Variants in NUDCD1 observed in about 807,000 individuals in gnomAD.
NUDCD1 encodes the protein NudC domain containing 1, also known as nudC domain-containing protein 1.
NUDCD1 carries 60 observed loss-of-function variants against 67.8 expected under a neutral mutation model. The ratio of observed to expected loss-of-function variants is 0.88; its 90% CI spans 0.72 to 1.10. The LOEUF (loss-of-function observed/expected upper bound fraction) is 1.10. NUDCD1 is among the 50% of genes least tolerant of loss of function. NUDCD1 has a pLI of 0.00. For missense variants in NUDCD1, 643 were observed against 695.0 expected, an observed-to-expected ratio of 0.93 and a Z score of 0.84; for synonymous variants, 244 against 230.8, an observed-to-expected ratio of 1.06 and a Z score of -0.52.
chr8:109,310,926 C>G (rs1815232154), intron 2 of NUDCD1, among the ~76,000 whole-genome samples: 1 of 150,816 alleles, frequency 6.6e-6, no homozygotes, highest in African/African-American at 2.4e-5. Flanking sequence ...AGTGATTCCC[C>G]TGCCTCAGCC....
chr8:109,253,042 C>T (rs1157371289), intron 8 of NUDCD1, among the ~76,000 whole-genome samples: 1 of 152,222 alleles, frequency 6.6e-6, no homozygotes, highest in Non-Finnish European at 1.5e-5. Flanking sequence ...TAGGAACCCA[C>T]TTCCCTGGCT....
chr8:109,309,742 A>G (rs942779973), intron 2 of NUDCD1, among the ~76,000 whole-genome samples: 7 of 152,186 alleles, frequency 4.6e-5, no homozygotes, highest in African/African-American at 1.7e-4. Flanking sequence ...TAGAACTGAT[A>G]AAAGAATTCA....
intron 6 of NUDCD1, among the ~76,000 whole-genome samples, chr8:109,279,687 G>A (rs571981027): frequency 4.6e-5 from 7 of 151,926 alleles, no homozygotes; most frequent in East Asian, 1.9e-4. Flanking sequence ...GCCCAGGGCC[G>A]GAAAGCAATG....
At chr8:109,324,431 G>A (rs1269581927) in intron 1 of NUDCD1, among the ~76,000 whole-genome samples, 1 of 151,316 alleles carries the variant, frequency 6.6e-6, no homozygotes, top group African/African-American at 2.4e-5. Flanking sequence ...AGGATGTGGA[G>A]AAAAGGGAAC....
intron 6 of NUDCD1, among the ~76,000 whole-genome samples, chr8:109,279,075 T>C (rs1482492715): frequency 2.0e-5 from 3 of 152,106 alleles, no homozygotes; most frequent in African/African-American, 7.2e-5. Flanking sequence ...GGCAACAGAG[T>C]GAGACCCTGT....
At chr8:109,283,154 T>C (rs574925997) in intron 5 of NUDCD1, among the ~76,000 whole-genome samples, 7 of 152,154 alleles carry the variant, frequency 4.6e-5, no homozygotes, top group Non-Finnish European at 1.0e-4. Context: ...CAAATACAAT[T>C]GAAAGCTTTA....
At chr8:109,268,324 C>A (rs1586263584) in intron 8 of NUDCD1, among the ~76,000 whole-genome samples, 1 of 152,128 alleles carries the variant, frequency 6.6e-6, no homozygotes, top group African/African-American at 2.4e-5. Context: ...GTTTCAGCTG[C>A]CCCTCTAGGG....
At chr8:109,252,424 T>TC (rs1313794652) in intron 8 of NUDCD1, among the ~76,000 whole-genome samples, 2 of 151,976 alleles carry the variant, frequency 1.3e-5, no homozygotes, top group Admixed American at 6.6e-5. Flanking sequence ...TTGACACTCT[T>TC]CCCTCAGCAG....
At chr8:109,298,643 A>G (rs1384919066) in intron 2 of NUDCD1, 2 of 152,238 alleles carry the variant, frequency 1.3e-5, no homozygotes, top group Admixed American at 1.3e-4. Context: ...AGTATTTGTC[A>G]TAAATATAAC....
chr8:109,308,175 C>A (rs1341303004), intron 2 of NUDCD1, among the ~76,000 whole-genome samples: 26 of 152,184 alleles, frequency 1.7e-4, no homozygotes, highest in Admixed American at 1.7e-3. Context: ...AATATACATT[C>A]TATTCAAAAC....
At chr8:109,333,253 C>T (rs1280849168) in intron 1 of NUDCD1, among the ~76,000 whole-genome samples, 3 of 152,116 alleles carry the variant, frequency 2.0e-5, no homozygotes, top group African/African-American at 7.2e-5. Flanking sequence ...TCTCTGGGCT[C>T]TATCATAACG....
At chr8:109,333,026 T>C (rs527953309) in intron 1 of NUDCD1, among the ~76,000 whole-genome samples, 2 of 152,350 alleles carry the variant, frequency 1.3e-5, no homozygotes, top group African/African-American at 4.8e-5. Flanking sequence ...TAGTCCTCTT[T>C]TGTTACGGAA....
intron 2 of NUDCD1, among the ~76,000 whole-genome samples, chr8:109,300,700 C>G (rs951829247): frequency 2.0e-5 from 3 of 152,144 alleles, no homozygotes; most frequent in Admixed American, 6.5e-5. Flanking sequence ...AGGTAAACTT[C>G]CCCAGCCTTG....
chr8:109,297,426 T>A (rs1335017984), intron 2 of NUDCD1, among the ~76,000 whole-genome samples: 1 of 152,228 alleles, frequency 6.6e-6, no homozygotes, highest in African/African-American at 2.4e-5. Context: ...ACCAAAGTGA[T>A]GTTACTAGAA....
Position 109,289,799 on chromosome 8 carries a change from G to A in NUDCD1, c.775C>T (p.Gln259Ter). ...YKSLTFVQAG[Q>*]DLEENMDEDI... is the part of the protein sequence containing the mutation. ...TCATCCATATTTTCTTCAAGATCTT[G>A]ACCAGCCTGAACAAATGTTAAAGAC... The change falls in exon 5 of 10, where the codon CAA becomes TAA. Residue 259 changes from glutamine to a stop codon, truncating the protein, a stop_gained. Transcript: ENST00000239690. LOFTEE classifies it high-confidence loss of function. The A allele has an allele frequency of 6.4e-7, 1 of 1,563,092 alleles. No individual in the cohort carries two copies. The highest frequency in any genetic ancestry group is 8.7e-7 in the Non-Finnish European group (1 of 1,144,172).
intron 4 of NUDCD1, among the ~76,000 whole-genome samples, 176 bp downstream of exon 4, chr8:109,293,168 A>G (rs1007321304): frequency 6.6e-6 from 1 of 152,062 alleles, no homozygotes; most frequent in African/African-American, 2.4e-5. Flanking sequence ...TTTTTTCTAT[A>G]AAATATACCT....
intron 2 of NUDCD1, among the ~76,000 whole-genome samples, chr8:109,306,057 G>A (rs891639044): frequency 6.6e-5 from 10 of 152,080 alleles, no homozygotes; most frequent in East Asian, 1.9e-4. Flanking sequence ...ACTGCACCCC[G>A]AAAACTTGTC....
intron 1 of NUDCD1, chr8:109,329,784 AC>A (rs1815762862): frequency 1.3e-6 from 2 of 1,546,730 alleles, no homozygotes; most frequent in Non-Finnish European, 1.7e-6. Context: ...AATTTGTGAG[AC>A]AAATTTATGT....
intron 6 of NUDCD1, among the ~76,000 whole-genome samples, chr8:109,278,706 A>C (rs957319279): frequency 6.6e-6 from 1 of 152,156 alleles, no homozygotes; most frequent in Admixed American, 6.5e-5. Flanking sequence ...TAATTCATTC[A>C]TATTGCTTTT....
Sources: allele counts gnomAD v4.1 joint callset (sites outside exome capture counted in the v4.1 genomes callset), GRCh38; gene constraint gnomAD v4.1.1; transcripts MANE v1.5; gene names NCBI Gene and HGNC (gene_info 2026-07-23, HGNC 2026-07-21).